The following RASGRF2 variants were observed in gnomAD, a reference collection of about 807,000 sequenced individuals.
RASGRF2 encodes the protein Ras protein specific guanine nucleotide releasing factor 2.
In RASGRF2, 76 loss-of-function variants were observed where a neutral mutation model predicts 151.0. The observed-to-expected ratio is 0.50, with a 90% CI of 0.42 to 0.61. The LOEUF is 0.61. Among genes scored for constraint, RASGRF2 ranks in the 20% least tolerant of loss-of-function variants. The pLI is 0.00. For synonymous variants in RASGRF2, 504 were observed against 566.5 expected (o/e 0.89, Z 1.57); for missense variants, 1,148 against 1,564.6 (o/e 0.73, Z 4.49).
intron 1 of RASGRF2, among the ~76,000 whole-genome samples, chr5:80,995,693 C>CCCCCT (rs58481061): frequency 6.2e-5 from 6 of 97,334 alleles, no homozygotes; most frequent in African/African-American, 1.5e-4. Context: ...TTCCCCCCCC[C>CCCCCT]TTTTTTTTTT....
At chr5:80,965,035 C>T (rs901485294) in intron 1 of RASGRF2, among the ~76,000 whole-genome samples, 4 of 151,980 alleles carry the variant, frequency 2.6e-5, no homozygotes, top group African/African-American at 9.7e-5. Context: ...ATATCTCTTT[C>T]GCTCTGGAGG....
chr5:81,142,263 G>A (rs1753901516), intron 17 of RASGRF2, among the ~76,000 whole-genome samples: 1 of 152,122 alleles, frequency 6.6e-6, no homozygotes. Flanking sequence ...ATTCTGAGTG[G>A]CCTCCCAGAG....
At chr5:81,111,194 C>T (rs990355985) in intron 13 of RASGRF2, among the ~76,000 whole-genome samples, 4 of 152,362 alleles carry the variant, frequency 2.6e-5, no homozygotes, top group Non-Finnish European at 5.9e-5. Flanking sequence ...GCTCACTGAA[C>T]GTCACTGACC....
Position 81,131,909 on chromosome 5 carries a change from T to C in RASGRF2, c.2686+4746T>C, listed in dbSNP as rs547518944. On this transcript the variant is annotated intron_variant, in intron 17 of 26. Coordinates refer to ENST00000265080, the MANE Select transcript of RASGRF2 (RefSeq NM_006909.3). ...GACCCATAGGTGATACCCAGGATTG[T>C]AGTGTTGTGCTTTCACTATTACTTC... 3.3e-5 allele frequency among the ~76,000 whole-genome samples: 5 copies of C among 152,356 alleles called. No individual in the cohort carries two copies. In the South Asian group the frequency reaches 1.0e-3, roughly 32 times the overall value.
chr5:81,057,517 G>T (rs560860981), intron 2 of RASGRF2, among the ~76,000 whole-genome samples: 6 of 152,112 alleles, frequency 3.9e-5, no homozygotes, highest in African/African-American at 4.8e-5. Context: ...TGGAGTGATG[G>T]TGGTTAGGAT....
chr5:81,014,026 C>G (rs1365977065), intron 1 of RASGRF2, among the ~76,000 whole-genome samples: 1 of 151,904 alleles, frequency 6.6e-6, no homozygotes, highest in Non-Finnish European at 1.5e-5. Context: ...TCCTATGGAT[C>G]GTCTTTTTTT....
chr5:81,157,589 A>G (rs1754291751), intron 17 of RASGRF2, among the ~76,000 whole-genome samples: 2 of 152,198 alleles, frequency 1.3e-5, no homozygotes, highest in South Asian at 2.1e-4. Flanking sequence ...TCACACTGCT[A>G]TGAAGAAATA....
chr5:80,994,283 G>A (rs772744970), intron 1 of RASGRF2, among the ~76,000 whole-genome samples: 5 of 150,182 alleles, frequency 3.3e-5, no homozygotes, highest in Admixed American at 1.3e-4. Context: ...GGAGAATGGC[G>A]TGAACCTGGG....
intron 17 of RASGRF2, among the ~76,000 whole-genome samples, chr5:81,144,830 G>A (rs972361639): frequency 5.3e-5 from 8 of 152,102 alleles, no homozygotes; most frequent in Admixed American, 3.3e-4. Flanking sequence ...GGTCACACAG[G>A]GAGTAAGTAG....
intron 2 of RASGRF2, 22 bp from the exon 3 acceptor site, chr5:81,068,006 GACTA>G (rs764479186): frequency 4.5e-6 from 7 of 1,572,446 alleles, no homozygotes; most frequent in African/African-American, 1.4e-5. Context: ...ATATCTCAAT[GACTA>G]ACTGTGTAAT....
intron 24 of RASGRF2, among the ~76,000 whole-genome samples, chr5:81,216,376 C>CACACACACAA (rs1193031450): frequency 4.8e-4 from 62 of 127,892 alleles, no homozygotes; most frequent in African/African-American, 1.9e-3. Context: ...CACGCACACA[C>CACACACACAA]ACACACACAA....
chr5:81,105,391 G>C (rs1752818635), intron 12 of RASGRF2, among the ~76,000 whole-genome samples: 1 of 152,092 alleles, frequency 6.6e-6, no homozygotes, highest in Non-Finnish European at 1.5e-5. Context: ...CTGTGACTCT[G>C]GCCACCTCCA....
chr5:81,066,642 A>G (rs1391423245), intron 2 of RASGRF2, among the ~76,000 whole-genome samples: 1 of 152,204 alleles, frequency 6.6e-6, no homozygotes, highest in African/African-American at 2.4e-5. Context: ...ACATCCGCTT[A>G]TTCTTTTCTC....
intron 17 of RASGRF2, among the ~76,000 whole-genome samples, chr5:81,140,177 C>T (rs1020655891): frequency 3.3e-5 from 5 of 152,140 alleles, no homozygotes; most frequent in African/African-American, 1.2e-4. Context: ...AGGCCTTGTT[C>T]AGAATCACTG....
rs866213409 is a variant in RASGRF2, at chr5:80,979,231, A to G, written c.288+18205A>G. Among the ~76,000 whole-genome samples the G allele has an allele frequency of 2.0e-5, 3 of 152,236 alleles. No individual in the cohort carries two copies. In the South Asian group the frequency reaches 6.2e-4, roughly 32 times the overall value. The stretch of plus-strand genomic sequence containing the variant: ...ACTTGCATTTCAAGGTAGCTTTGTA[A>G]CTAATTGAAAAAATTCAACATAAGA... On this transcript the variant is annotated intron_variant, in intron 1 of 26. Transcript: ENST00000265080.
chr5:81,032,775 T>C (rs910702004), intron 1 of RASGRF2, among the ~76,000 whole-genome samples: 11 of 151,984 alleles, frequency 7.2e-5, no homozygotes. Flanking sequence ...CTATTCAACA[T>C]AGTGTTGGAA....
intron 15 of RASGRF2, among the ~76,000 whole-genome samples, chr5:81,117,728 G>C (rs909061742): frequency 6.6e-6 from 1 of 152,076 alleles, no homozygotes; most frequent in Non-Finnish European, 1.5e-5. Context: ...AATCAGATAC[G>C]GGTGAGACCT....
rs534861101 is a variant in RASGRF2, at chr5:81,057,171, T to C, written c.396-10861T>C. Among the ~76,000 whole-genome samples the C allele has an allele frequency of 5.4e-3, 821 of 152,336 alleles. 6 individuals are homozygous for C. The highest frequency in any genetic ancestry group is 0.017 in the African/African-American group (716 of 41,572). ...GTTATGTGTGAATTTGATCCTGTCA[T>C]TATGATGTTAGCTGGTTATTTTGCT... On this transcript the variant is annotated intron_variant, in intron 2 of 26. Transcript: ENST00000265080.
At chr5:81,089,304 T>C (rs2112494344) in intron 9 of RASGRF2, among the ~76,000 whole-genome samples, 1 of 152,310 alleles carries the variant, frequency 6.6e-6, no homozygotes, top group East Asian at 1.9e-4. Context: ...TGTTAATTAC[T>C]TTTAGGGATG....
Sources: allele counts gnomAD v4.1 joint callset (sites outside exome capture counted in the v4.1 genomes callset), GRCh38; gene constraint gnomAD v4.1.1; transcripts MANE v1.5; gene names NCBI Gene and HGNC (gene_info 2026-07-23, HGNC 2026-07-21).